Variants in KIF6 observed in about 807,000 individuals in gnomAD.
The protein encoded by KIF6 is kinesin family member 6.
In KIF6, 106 loss-of-function variants were observed where a neutral mutation model predicts 112.7. The ratio of observed to expected loss-of-function variants is 0.94; its 90% CI spans 0.80 to 1.11. The LOEUF (loss-of-function observed/expected upper bound fraction) is 1.11. Among genes scored for constraint, KIF6 ranks in the 50% least tolerant of loss-of-function variants. KIF6 has a pLI of 0.00. For missense variants in KIF6, 929 were observed against 964.0 expected, an observed-to-expected ratio of 0.96 and a Z score of 0.48; for synonymous variants, 339 against 339.9, an observed-to-expected ratio of 1.00 and a Z score of 0.03.
chr6:39,496,366 C>T (rs1042573560), intron 13 of KIF6, among the ~76,000 whole-genome samples: 2 of 152,152 alleles, frequency 1.3e-5, no homozygotes, highest in East Asian at 1.9e-4. Context: ...GAATTGCTAA[C>T]GTTTTTTGAC....
intron 3 of KIF6, among the ~76,000 whole-genome samples, chr6:39,699,093 C>T (rs1788717678): frequency 6.6e-6 from 1 of 152,114 alleles, no homozygotes; most frequent in Non-Finnish European, 1.5e-5. Context: ...GATTGGGAAT[C>T]ATTAGTGAAG....
chr6:39,336,795 CTTTCCT>C (rs958195604), intron 22 of KIF6, among the ~76,000 whole-genome samples: 2 of 109,896 alleles, frequency 1.8e-5, no homozygotes, highest in Non-Finnish European at 3.4e-5. Flanking sequence ...CCACCGTTTT[CTTTCCT>C]TTTCTTTCTT....
intron 21 of KIF6, among the ~76,000 whole-genome samples, chr6:39,345,244 G>C (rs560064869): frequency 5.2e-4 from 79 of 152,374 alleles, no homozygotes; most frequent in African/African-American, 1.8e-3. Context: ...AGTCCAGGCA[G>C]GCAGGGCAGA....
intron 13 of KIF6, among the ~76,000 whole-genome samples, chr6:39,500,616 T>A (rs575065327): frequency 1.3e-5 from 2 of 152,358 alleles, no homozygotes; most frequent in East Asian, 3.9e-4. Context: ...TTCTCTCATC[T>A]ACAAAATGAG....
intron 9 of KIF6, among the ~76,000 whole-genome samples, chr6:39,583,897 C>T (rs1781450074): frequency 1.3e-5 from 2 of 151,710 alleles, no homozygotes; most frequent in Non-Finnish European, 2.9e-5. Context: ...AAATAGAGAA[C>T]AGAAAATATC....
intron 13 of KIF6, among the ~76,000 whole-genome samples, chr6:39,503,926 T>C (rs1043631265): frequency 2.0e-5 from 3 of 149,156 alleles, no homozygotes; most frequent in South Asian, 2.1e-4. Flanking sequence ...CTCCTAGAGG[T>C]ACAAAGAAGA....
intron 3 of KIF6, among the ~76,000 whole-genome samples, chr6:39,701,981 T>C (rs1788902230): frequency 1.3e-5 from 2 of 152,362 alleles, no homozygotes; most frequent in South Asian, 4.1e-4. Context: ...AATGTGGCCC[T>C]GATTTAATTA....
In KIF6 at chr6:39,481,423, C is replaced by T. The variant is rs116724829; in HGVS notation, c.1646-50262G>A. On this transcript the variant is annotated intron_variant, in intron 13 of 22. Transcript: ENST00000287152. ...ATTTTATAGGAAAGATATACATGTC[C>T]CAATAATATGTACTATACACATCTC... 5.6e-3 allele frequency among the ~76,000 whole-genome samples: 854 copies of T among 152,122 alleles called. 10 individuals are homozygous for T. The highest frequency in any genetic ancestry group is 0.019 in the African/African-American group (806 of 41,470).
intron 3 of KIF6, among the ~76,000 whole-genome samples, chr6:39,661,671 A>G (rs1055154056): frequency 3.9e-5 from 6 of 152,208 alleles, no homozygotes; most frequent in African/African-American, 1.4e-4. Context: ...CATAGCAGAA[A>G]AGAGAGGTAC....
Position 39,653,820 on chromosome 6 carries a change from G to A in KIF6, c.252-14063C>T, listed in dbSNP as rs557354931. ...ATCCCAACTCTGTAGGATGCCGGTG[G>A]GGGGTAGTTTCATAGACTTCTCTGG... On this transcript the variant is annotated intron_variant, in intron 3 of 22. Coordinates refer to ENST00000287152, the MANE Select transcript of KIF6 (RefSeq NM_145027.6). Among the ~76,000 whole-genome samples the A allele has an allele frequency of 3.9e-5, 6 of 152,238 alleles. No homozygotes were observed. The East Asian group carries it at 5.8e-4, about 15-fold the overall frequency.
At chr6:39,489,592 C>G (rs1223204842) in intron 13 of KIF6, among the ~76,000 whole-genome samples, 1 of 152,058 alleles carries the variant, frequency 6.6e-6, no homozygotes, top group Admixed American at 6.6e-5. Context: ...GCAACAGCAG[C>G]CATATTTCAG....
At chr6:39,687,744 G>A (rs906132324) in intron 3 of KIF6, among the ~76,000 whole-genome samples, 1 of 152,136 alleles carries the variant, frequency 6.6e-6, no homozygotes, top group African/African-American at 2.4e-5. Flanking sequence ...AGACTTTCTG[G>A]GCTCAAATCC....
intron 18 of KIF6, 50 bp downstream of exon 18, chr6:39,360,345 G>T (rs755944748): frequency 3.4e-5 from 55 of 1,606,796 alleles, no homozygotes; most frequent in Middle Eastern, 1.8e-4. Flanking sequence ...CCCCAGTGGG[G>T]CTGCATGACT....
chr6:39,695,690 T>A (rs1010311213), intron 3 of KIF6, among the ~76,000 whole-genome samples: 1 of 152,222 alleles, frequency 6.6e-6, no homozygotes, highest in African/African-American at 2.4e-5. Flanking sequence ...CTTTCTACAC[T>A]GTTCATGGGA....
chr6:39,629,076 G>A (rs1392093572), intron 5 of KIF6, among the ~76,000 whole-genome samples: 1 of 151,936 alleles, frequency 6.6e-6, no homozygotes, highest in African/African-American at 2.4e-5. Flanking sequence ...TTAACCTATT[G>A]ATGAACATCT....
intron 15 of KIF6, among the ~76,000 whole-genome samples, chr6:39,389,527 C>T (rs1379133965): frequency 1.3e-5 from 2 of 152,136 alleles, no homozygotes; most frequent in African/African-American, 4.8e-5. Flanking sequence ...CAGTGCAGTA[C>T]AGGGATCAGC....
At chr6:39,413,742 T>C (rs894641817) in intron 15 of KIF6, among the ~76,000 whole-genome samples, 14 of 152,004 alleles carry the variant, frequency 9.2e-5, no homozygotes, top group Non-Finnish European at 1.5e-4. Flanking sequence ...GAGAGAGAGA[T>C]GCATTTGAAG....
intron 3 of KIF6, among the ~76,000 whole-genome samples, chr6:39,712,128 C>T (rs779134289): frequency 4.0e-4 from 60 of 151,716 alleles, no homozygotes; most frequent in Admixed American, 3.7e-3. Context: ...CAAATTATGG[C>T]GATCATAAAA....
intron 21 of KIF6, among the ~76,000 whole-genome samples, chr6:39,344,054 C>G (rs147280873): frequency 1.3e-5 from 2 of 152,324 alleles, no homozygotes; most frequent in East Asian, 3.9e-4. Flanking sequence ...GCTGTGTCCT[C>G]ACCCAAATCT....
Sources: allele counts gnomAD v4.1 joint callset (sites outside exome capture counted in the v4.1 genomes callset), GRCh38; gene constraint gnomAD v4.1.1; transcripts MANE v1.5; gene names NCBI Gene and HGNC (gene_info 2026-07-23, HGNC 2026-07-21).